Variants in CD96 observed in about 807,000 individuals in gnomAD.
The protein encoded by CD96 is CD96 molecule, also known as T-cell surface protein tactile.
In CD96, 70 loss-of-function variants were observed where a neutral mutation model predicts 71.3. The ratio of observed to expected loss-of-function variants is 0.98; its 90% CI spans 0.81 to 1.20. CD96 has a LOEUF of 1.20. Ranked by LOEUF, CD96 falls within the 50% of genes most tolerant of loss-of-function variation. The pLI is 0.00. For synonymous variants in CD96, 248 were observed against 233.0 expected, an observed-to-expected ratio of 1.06 and a Z score of -0.59; for missense variants, 742 against 677.5, an observed-to-expected ratio of 1.10 and a Z score of -1.06.
Position 111,594,119 on chromosome 3 carries a change from A to G in CD96, c.808-4001A>G, listed in dbSNP as rs758822832. 5 of 1,613,796 alleles carry G rather than the reference A, an allele frequency of 3.1e-6. No individual in the cohort carries two copies. The African/African-American group carries it at 4.0e-5, about 13-fold the overall frequency. ...GCCAACCAGTTCTCCTGTCTCACTAATCTCTTCCTCCTCCTTCATCTCTAA... is the reference window on the plus strand; with the variant it reads ...GCCAACCAGTTCTCCTGTCTCACTAGTCTCTTCCTCCTCCTTCATCTCTAA... On this transcript the variant is annotated intron_variant, in intron 5 of 13. Coordinates refer to ENST00000352690, the MANE Select transcript of CD96 (RefSeq NM_005816.5).
At position 111,561,964 on chromosome 3, in the gene CD96, C is replaced by T. The variant is rs374660234; in HGVS notation, c.419-5559C>T. Among the ~76,000 whole-genome samples the T allele has an allele frequency of 4.6e-3, 697 of 151,638 alleles. 5 individuals carry two copies. Among genetic ancestry groups the T allele is most frequent in the African/African-American group, 0.016 (649 of 41,340 alleles). ...AGCGCAATATTCGGGTGGGAGTGAC[C>T]CGATTTTCCAGGTGCGTCCGTCACC... On this transcript the variant is annotated intron_variant, in intron 2 of 13. Transcript: ENST00000352690.
intron 8 of CD96, among the ~76,000 whole-genome samples, chr3:111,622,855 CTT>C (rs1938577488): frequency 6.6e-6 from 1 of 152,210 alleles, no homozygotes; most frequent in African/African-American, 2.4e-5. Context: ...AACCTATACT[CTT>C]TATTTCTTAG....
At chr3:111,634,453 G>A (rs1456778369) in intron 10 of CD96, 2 of 152,668 alleles carry the variant, frequency 1.3e-5, no homozygotes, top group South Asian at 2.1e-4. Flanking sequence ...AAGTTTATCA[G>A]TCAAGCTGGT....
chr3:111,567,460 A>G, intron 2 of CD96, 63 bp from the exon 3 acceptor site: 1 of 1,437,772 alleles, frequency 7.0e-7, no homozygotes, highest in Non-Finnish European at 9.8e-7. Context: ...TGTCTCTTTG[A>G]TAAAAAGCAC....
At chr3:111,654,484 A>G (rs1034791037), downstream of CD96, among the ~76,000 whole-genome samples, 1 of 152,206 alleles carries the variant, frequency 6.6e-6, no homozygotes, top group African/African-American at 2.4e-5. Context: ...ATAACACAGA[A>G]ATGGGAACAA....
intron 10 of CD96, chr3:111,634,264 A>T (rs1397520887): frequency 6.6e-6 from 1 of 152,236 alleles, no homozygotes. Context: ...TTTATGGTAG[A>T]ATAGTATGCT....
intron 1 of CD96, 91 bp from the exon 2 acceptor site, chr3:111,544,955 C>G: frequency 1.9e-6 from 2 of 1,061,818 alleles, no homozygotes; most frequent in Non-Finnish European, 2.9e-6. Context: ...CTCAGTTGCT[C>G]CCCTCACCTT....
intron 3 of CD96, among the ~76,000 whole-genome samples, chr3:111,568,841 T>G (rs565191120): frequency 1.3e-5 from 2 of 152,156 alleles, no homozygotes; most frequent in African/African-American, 2.4e-5. Flanking sequence ...GTGTATACAG[T>G]AAACCCCTAA....
intron 8 of CD96, among the ~76,000 whole-genome samples, chr3:111,613,330 C>T (rs1237221088): frequency 1.3e-5 from 2 of 152,176 alleles, no homozygotes; most frequent in African/African-American, 2.4e-5. Flanking sequence ...TCCTGAAACC[C>T]TTTCTGGACC....
At chr3:111,628,923 C>G (rs914624671) in intron 10 of CD96, among the ~76,000 whole-genome samples, 9 of 152,036 alleles carry the variant, frequency 5.9e-5, no homozygotes, top group African/African-American at 2.2e-4. Context: ...AAGCTTCATA[C>G]ATAAGGAAGA....
Position 111,649,968 on chromosome 3 carries a change from A to C in CD96, c.*162A>C. ...TTTTCCCAGCAACTCACCCTCTTCC[A>C]TCTCCAAACGCCTGAAGCTTAACCA... On this transcript the variant is annotated 3_prime_UTR_variant, in exon 14 of 14. Coordinates refer to ENST00000352690, the MANE Select transcript of CD96 (RefSeq NM_005816.5). The C allele has an allele frequency of 1.5e-6, 1 of 670,540 alleles. No individual in the cohort carries two copies. The allele number at this position is 670,540 out of a possible 1,614,324, so 41.5% of individuals were successfully genotyped here.
At chr3:111,610,510 A>T (rs1258082701) in intron 8 of CD96, among the ~76,000 whole-genome samples, 1 of 152,224 alleles carries the variant, frequency 6.6e-6, no homozygotes, top group Non-Finnish European at 1.5e-5. Context: ...TTTTTCCTCG[A>T]TGAAAGGATA....
intron 2 of CD96, among the ~76,000 whole-genome samples, chr3:111,564,143 G>T (rs1278861006): frequency 6.6e-6 from 1 of 151,944 alleles, no homozygotes; most frequent in Non-Finnish European, 1.5e-5. Flanking sequence ...CTATTTTGCA[G>T]TATAATCGTT....
At chr3:111,619,444 T>A (rs1938409286) in intron 8 of CD96, among the ~76,000 whole-genome samples, 1 of 152,206 alleles carries the variant, frequency 6.6e-6, no homozygotes, top group African/African-American at 2.4e-5. Context: ...GTCATTATAG[T>A]GTAACTCTGG....
intron 3 of CD96, among the ~76,000 whole-genome samples, chr3:111,575,597 T>G (rs1297615275): frequency 6.6e-6 from 1 of 152,278 alleles, no homozygotes; most frequent in Non-Finnish European, 1.5e-5. Flanking sequence ...TATTTTGTGC[T>G]GCTACATGTA....
At chr3:111,605,777 A>G (rs1937606823) in intron 7 of CD96, among the ~76,000 whole-genome samples, 1 of 152,238 alleles carries the variant, frequency 6.6e-6, no homozygotes, top group Admixed American at 6.5e-5. Flanking sequence ...AAGTGACATA[A>G]TGTAAGTAAA....
At chr3:111,578,351 G>C (rs1355777102) in intron 3 of CD96, among the ~76,000 whole-genome samples, 1 of 152,212 alleles carries the variant, frequency 6.6e-6, no homozygotes, top group Non-Finnish European at 1.5e-5. Flanking sequence ...CCAAAATTCA[G>C]ATTAACATTT....
At chr3:111,638,883 T>C (rs1192215605) in intron 12 of CD96, among the ~76,000 whole-genome samples, 1 of 152,034 alleles carries the variant, frequency 6.6e-6, no homozygotes, top group Admixed American at 6.5e-5. Context: ...TAAAGAGCTG[T>C]CTAGTTTAGA....
chr3:111,589,054 T>C (rs918046465), intron 5 of CD96, among the ~76,000 whole-genome samples: 5 of 151,406 alleles, frequency 3.3e-5, no homozygotes, highest in Non-Finnish European at 5.9e-5. Flanking sequence ...GGGTTCACGC[T>C]ATTCTCCTGC....
Sources: allele counts gnomAD v4.1 joint callset (sites outside exome capture counted in the v4.1 genomes callset), GRCh38; gene constraint gnomAD v4.1.1; transcripts MANE v1.5; gene names NCBI Gene and HGNC (gene_info 2026-07-23, HGNC 2026-07-21).